The following ELAVL2 variants were observed in gnomAD, a reference collection of about 807,000 sequenced individuals.
ELAVL2 encodes ELAV-like protein 2.
In ELAVL2, 4 loss-of-function variants were observed where a neutral mutation model predicts 34.6. The observed-to-expected ratio is 0.12, with a 90% confidence interval of 0.06 to 0.26. The LOEUF is 0.26. Ranked by LOEUF, ELAVL2 falls within the 10% of genes least tolerant of loss-of-function variation. The pLI is 1.00. For synonymous variants in ELAVL2, 193 were observed against 154.8 expected (o/e 1.25, Z -1.83); for missense variants, 432 against 442.8 (o/e 0.98, Z 0.22).
chr9:23,785,746 A>G (rs1276946133), intron 1 of ELAVL2, among the ~76,000 whole-genome samples: 1 of 152,202 alleles, frequency 6.6e-6, no homozygotes, highest in East Asian at 1.9e-4. Context: ...TTTCCAAAGC[A>G]TATGACCAGC....
intron 1 of ELAVL2, among the ~76,000 whole-genome samples, chr9:23,767,898 T>C (rs919391039): frequency 6.6e-6 from 1 of 152,162 alleles, no homozygotes; most frequent in Non-Finnish European, 1.5e-5. Flanking sequence ...GGGACCAGAC[T>C]TCTGCGGGTT....
chr9:23,736,801 G>A (rs559803701), intron 2 of ELAVL2, among the ~76,000 whole-genome samples: 1 of 152,164 alleles, frequency 6.6e-6, no homozygotes, highest in Non-Finnish European at 1.5e-5. Context: ...TTGTCCAGGA[G>A]AACTTCTTAA....
At chr9:23,713,522 A>C (rs1300178096) in intron 3 of ELAVL2, among the ~76,000 whole-genome samples, 1 of 152,156 alleles carries the variant, frequency 6.6e-6, no homozygotes, top group Non-Finnish European at 1.5e-5. Flanking sequence ...TAAAAAATAG[A>C]TGGGAGTTTT....
At chr9:23,724,077 C>G (rs571219885) in intron 3 of ELAVL2, among the ~76,000 whole-genome samples, 25 of 152,216 alleles carry the variant, frequency 1.6e-4, no homozygotes, top group Middle Eastern at 6.8e-3. Flanking sequence ...TGGTATAGAC[C>G]ATACTTTGCA....
At chr9:23,779,193 G>C in intron 1 of ELAVL2, 1 of 985,344 alleles carries the variant, frequency 1.0e-6, no homozygotes, top group Non-Finnish European at 1.2e-6. Context: ...GGTAAAACAG[G>C]AGGTAAGTGG....
upstream of ELAVL2, among the ~76,000 whole-genome samples, chr9:23,830,625 CCT>C (rs1491369025): frequency 1.8e-4 from 25 of 141,998 alleles, no homozygotes; most frequent in Non-Finnish European, 3.4e-4. Flanking sequence ...CACACACACA[CCT>C]TTTTTTTTTT....
intron 1 of ELAVL2, among the ~76,000 whole-genome samples, chr9:23,809,266 G>C (rs891684789): frequency 6.6e-6 from 1 of 152,042 alleles, no homozygotes; most frequent in Non-Finnish European, 1.5e-5. Flanking sequence ...GCTTTCCATA[G>C]CACAAGGACA....
At chr9:23,770,820 T>C (rs1030041469) in intron 1 of ELAVL2, among the ~76,000 whole-genome samples, 1 of 152,168 alleles carries the variant, frequency 6.6e-6, no homozygotes, top group Non-Finnish European at 1.5e-5. Flanking sequence ...AAGTAATTTG[T>C]TAGAGGTCTA....
At chr9:23,787,934 G>A (rs928623615) in intron 1 of ELAVL2, among the ~76,000 whole-genome samples, 2 of 152,164 alleles carry the variant, frequency 1.3e-5, no homozygotes, top group African/African-American at 4.8e-5. Flanking sequence ...TGGAGGTGCT[G>A]AGGCAGAGCT....
chr9:23,782,867 C>G (rs192066971), intron 1 of ELAVL2, among the ~76,000 whole-genome samples: 1 of 152,218 alleles, frequency 6.6e-6, no homozygotes, highest in African/African-American at 2.4e-5. Context: ...ATGGAGACCC[C>G]GGGGCACAAG....
At chr9:23,768,877 T>C (rs1364720795) in intron 1 of ELAVL2, among the ~76,000 whole-genome samples, 1 of 152,192 alleles carries the variant, frequency 6.6e-6, no homozygotes, top group Non-Finnish European at 1.5e-5. Context: ...GATTAAGTCG[T>C]GGATCACCAG....
At position 23,822,751 on chromosome 9, in the gene ELAVL2, A is replaced by T. The variant is rs567160904; in HGVS notation, c.-16+3055T>A. ...CCTAAAATACTACATTTAAAAAATC[A>T]CCTGTCATACCTACCTGAAATTGTA... On this transcript the variant is annotated intron_variant, in intron 1 of 6. Transcript: ENST00000397312. Among the ~76,000 whole-genome samples the T allele has an allele frequency of 3.9e-5, 6 of 152,362 alleles. No individual in the cohort carries two copies. In the East Asian group the frequency reaches 9.7e-4, roughly 25 times the overall value.
At chr9:23,815,497 C>G (rs1004925723) in intron 1 of ELAVL2, among the ~76,000 whole-genome samples, 1 of 152,224 alleles carries the variant, frequency 6.6e-6, no homozygotes, top group Non-Finnish European at 1.5e-5. Context: ...AAAAATGGTT[C>G]ATAACACATT....
intron 5 of ELAVL2, among the ~76,000 whole-genome samples, chr9:23,695,501 G>T (rs62539992): frequency 6.6e-6 from 1 of 152,016 alleles, no homozygotes; most frequent in Non-Finnish European, 1.5e-5. Flanking sequence ...GTGAATTACC[G>T]TCAGGCCTTT....
At chr9:23,797,800 T>C (rs2137500701) in intron 1 of ELAVL2, among the ~76,000 whole-genome samples, 1 of 152,282 alleles carries the variant, frequency 6.6e-6, no homozygotes, top group South Asian at 2.1e-4. Flanking sequence ...TGGTGGCGCA[T>C]GCCTGTAATC....
Position 23,801,766 on chromosome 9 carries a change from T to C in ELAVL2, c.-16+24040A>G, listed in dbSNP as rs1388471339. ...GAAAGAAATTAATTCTATTACAATA[T>C]TAAATGTGGAATCATACACAGAAAA... On this transcript the variant is annotated intron_variant, in intron 1 of 6. Coordinates refer to ENST00000397312, the MANE Select transcript of ELAVL2 (RefSeq NM_004432.5). Among the ~76,000 whole-genome samples, 3 of 152,194 alleles carry C rather than the reference T, an allele frequency of 2.0e-5. No individual in the cohort carries two copies. In the East Asian group the frequency reaches 5.8e-4, roughly 29 times the overall value.
chr9:23,808,298 A>G (rs2062513744), intron 1 of ELAVL2, among the ~76,000 whole-genome samples: 1 of 152,188 alleles, frequency 6.6e-6, no homozygotes, highest in Admixed American at 6.6e-5. Context: ...GAACTTTAAC[A>G]TAATATCTCC....
upstream of ELAVL2, among the ~76,000 whole-genome samples, chr9:23,828,891 G>A (rs2065412527): frequency 2.0e-5 from 3 of 152,126 alleles, no homozygotes; most frequent in South Asian, 6.2e-4. Flanking sequence ...ATATCTGGAT[G>A]TAGATTTCAC....
Position 23,751,096 on chromosome 9 carries a change from T to A in ELAVL2, c.229+10910A>T, listed in dbSNP as rs941738853. 1.2e-4 allele frequency among the ~76,000 whole-genome samples: 18 copies of A among 152,214 alleles called. 1 individual carries two copies. Among genetic ancestry groups the A allele is most frequent in the Admixed American group, 3.3e-4 (5 of 15,284 alleles). The stretch of plus-strand genomic sequence containing the variant: ...AGGTAATAAACATTCAAGTCTATCA[T>A]CCCTCACCAAGAAATGCAAATTTTT... On this transcript the variant is annotated intron_variant, in intron 2 of 6. Coordinates refer to ENST00000397312, the MANE Select transcript of ELAVL2 (RefSeq NM_004432.5).
Sources: gnomAD v4.1 joint callset for allele counts (sites outside exome capture counted in the v4.1 genomes callset) on GRCh38, gnomAD v4.1.1 for gene constraint, MANE v1.5 for transcripts, NCBI Gene and HGNC (gene_info 2026-07-23, HGNC 2026-07-21) for gene names.